KIF27: variants seen among roughly 807,000 people sequenced by gnomAD.
The protein encoded by KIF27 is kinesin-like protein KIF27.
Under a neutral mutation model 141.8 loss-of-function variants are expected in KIF27, and 84 were observed. The observed-to-expected ratio is 0.59, with a 90% CI of 0.50 to 0.71. The LOEUF is 0.71. Ranked by LOEUF, KIF27 falls within the 30% of genes least tolerant of loss-of-function variation. The pLI is 0.00. For synonymous variants in KIF27, 471 were observed against 569.5 expected, an observed-to-expected ratio of 0.83 and a Z score of 2.46; for missense variants, 1,306 against 1,628.4, an observed-to-expected ratio of 0.80 and a Z score of 3.41.
At position 83,915,396 on chromosome 9, in the gene KIF27, T is replaced by C. The variant is rs1955587749; in HGVS notation, c.196A>G (p.Lys66Glu). 1.2e-6 allele frequency: 2 copies of C among 1,613,846 alleles called. No individual in the cohort carries two copies. Among genetic ancestry groups the C allele is most frequent in the East Asian group, 4.5e-5 (2 of 44,848 alleles). The change falls in exon 2 of 18, where the codon AAG becomes GAG. Residue 66 changes from lysine to glutamate, a missense_variant. Transcript: ENST00000297814. ...TQDEVYNTCI[K>E]PLVLSLIEGY... Reference sequence around the variant, plus strand: ...TCAATGAGTGACAACACTAGGGGCTTTATACATGTGTTATAAACTTCATCT... The same window carrying C: ...TCAATGAGTGACAACACTAGGGGCTCTATACATGTGTTATAAACTTCATCT...
chr9:83,845,472 T>A (rs1947144175), intron 16 of KIF27, among the ~76,000 whole-genome samples: 1 of 152,198 alleles, frequency 6.6e-6, no homozygotes, highest in Non-Finnish European at 1.5e-5. Context: ...CTCGCCACCC[T>A]GCCTTCTCTC....
At position 83,910,662 on chromosome 9, in the gene KIF27, C is replaced by A. The variant is rs367890703; in HGVS notation, c.299-2010G>T. Among the ~76,000 whole-genome samples, 20 of 152,242 alleles carry A rather than the reference C, an allele frequency of 1.3e-4. No homozygotes were observed. The South Asian group carries it at 3.9e-3, about 30-fold the overall frequency. On this transcript the variant is annotated intron_variant, in intron 2 of 17. Coordinates refer to ENST00000297814, the MANE Select transcript of KIF27 (RefSeq NM_017576.4). The stretch of plus-strand genomic sequence containing the variant: ...TATGCCCAGGCCTAGACCCTCAGTT[C>A]AAGAATGAGGAAAGAAACATCTCTA...
At chr9:83,896,722 T>C (rs1217052043) in intron 5 of KIF27, among the ~76,000 whole-genome samples, 3 of 152,168 alleles carry the variant, frequency 2.0e-5, no homozygotes, top group Non-Finnish European at 2.9e-5. Context: ...TATACATACA[T>C]CAAAACATTA....
intron 5 of KIF27, among the ~76,000 whole-genome samples, chr9:83,896,792 G>T (rs117523179): frequency 6.6e-6 from 1 of 152,084 alleles, no homozygotes. Flanking sequence ...AATGAAAATA[G>T]CATACTAAGT....
At position 83,889,189 on chromosome 9, in the gene KIF27, T is replaced by C; in HGVS notation, c.1874A>G (p.Gln625Arg). 1 of 1,613,954 alleles carries C rather than the reference T, an allele frequency of 6.2e-7. No homozygotes were observed. The highest frequency in any genetic ancestry group is 8.5e-7 in the Non-Finnish European group (1 of 1,179,874). Residue 625 changes from glutamine to arginine, a missense_variant, in exon 7 of 18, where the codon CAG (glutamine) becomes CGG (arginine). Physicochemically the swap from Gln to Arg is conservative, Grantham distance 43. Around this residue, in one of 4 missense-constraint regions of KIF27, gnomAD observed 596 missense variants for 751.6 expected, o/e 0.79. Coordinates refer to ENST00000297814, the MANE Select transcript of KIF27 (RefSeq NM_017576.4). The part of the protein sequence containing the change: ...RIFAGFRTRS[Q>R]MLLGHIEEQD... ...TTCTTCTATGTGACCCAACAGCATC[T>C]GACTTCGTGTTCGAAATCCAGCAAA...
chr9:83,837,152 C>T lies in KIF27; in HGVS notation c.4055G>A (p.Gly1352Asp), dbSNP rs767566257. The T allele has an allele frequency of 3.1e-6, 5 of 1,614,082 alleles. No individual in the cohort carries two copies. The highest frequency in any genetic ancestry group is 4.2e-6 in the Non-Finnish European group (5 of 1,179,992). The change falls in exon 18 of 18, where the codon GGT becomes GAT. Residue 1352 changes from glycine to aspartate, a missense_variant. This residue lies in a region of KIF27 where 148 missense variants were observed against 250.9 expected (regional missense o/e 0.59). Coordinates refer to ENST00000297814, the MANE Select transcript of KIF27 (RefSeq NM_017576.4). ...TCGACACAGTTTTACAGGTGTGACACCATGAAGTCGTCCCACATTTCCCAC... is the reference window on the plus strand; with the variant it reads ...TCGACACAGTTTTACAGGTGTGACATCATGAAGTCGTCCCACATTTCCCAC... ...QVVGNVGRLHGVTPVKLCRKE... is the reference protein window; with the variant it reads ...QVVGNVGRLHDVTPVKLCRKE...
chr9:83,859,574 C>T (rs1949649440), intron 13 of KIF27: 2 of 531,434 alleles, frequency 3.8e-6, no homozygotes, highest in African/African-American at 3.8e-5. Flanking sequence ...TCTTGTTCCC[C>T]AGGCTAGAGT....
chr9:83,893,040 G>T (rs1308059782), intron 5 of KIF27, among the ~76,000 whole-genome samples: 1 of 152,178 alleles, frequency 6.6e-6, no homozygotes, highest in African/African-American at 2.4e-5. Flanking sequence ...TTTGAGAGCA[G>T]CCTGGACAAC....
In KIF27 at chr9:83,903,180, G is replaced by T; in HGVS notation, c.1338C>A (p.Ile446=). The change falls in exon 4 of 18, where the codon ATC becomes ATA. Residue 446 remains isoleucine (I), a synonymous_variant. Transcript: ENST00000297814. ...TGAGGACAGCCTTCCTGACCTCTTG[G>T]ATCATGTTAAACCACTCCTGCAGTT... The part of the protein sequence containing the change: ...QHKLQEWFNM[I]QEVRKAVLTS... 6.2e-7 allele frequency: 1 copy of T among 1,614,120 alleles called. No homozygotes were observed. The highest frequency in any genetic ancestry group is 8.5e-7 in the Non-Finnish European group (1 of 1,180,024).
intron 13 of KIF27, chr9:83,859,949 T>A (rs568467397): frequency 6.6e-6 from 1 of 152,416 alleles, no homozygotes; most frequent in African/African-American, 2.4e-5. Flanking sequence ...GCAGTATTTT[T>A]CTTTTTCCTT....
chr9:83,901,570 T>A (rs1321524201), intron 4 of KIF27, among the ~76,000 whole-genome samples: 1 of 152,192 alleles, frequency 6.6e-6, no homozygotes, highest in East Asian at 1.9e-4. Context: ...AATTCTACTC[T>A]TACTAAAATT....
chr9:83,907,889 G>T (rs1564001590), intron 3 of KIF27, among the ~76,000 whole-genome samples: 1 of 152,182 alleles, frequency 6.6e-6, no homozygotes, highest in Non-Finnish European at 1.5e-5. Flanking sequence ...AACAATGATA[G>T]GAAATCAGTA....
intron 3 of KIF27, among the ~76,000 whole-genome samples, chr9:83,905,741 G>A (rs1954453320): frequency 6.6e-6 from 1 of 152,146 alleles, no homozygotes. Flanking sequence ...AAGTGCCAAT[G>A]CCCAGGTACC....
At chr9:83,847,220 C>T (rs1305093716) in intron 16 of KIF27, among the ~76,000 whole-genome samples, 1 of 152,178 alleles carries the variant, frequency 6.6e-6, no homozygotes, top group Admixed American at 6.5e-5. Context: ...CCAGCTACGA[C>T]CATGTGACCA....
intron 3 of KIF27, among the ~76,000 whole-genome samples, chr9:83,905,772 G>A (rs941912577): frequency 4.6e-5 from 7 of 152,150 alleles, no homozygotes; most frequent in African/African-American, 7.2e-5. Flanking sequence ...AATTAAATCA[G>A]AATCCCTGTG....
intron 2 of KIF27, among the ~76,000 whole-genome samples, chr9:83,913,136 G>GT (rs1374524356): frequency 1.7e-4 from 26 of 152,240 alleles, no homozygotes; most frequent in African/African-American, 6.0e-4. Context: ...CTGCACTCCA[G>GT]CCAGGGTGAC....
In KIF27 at chr9:83,880,561, C is replaced by A. The variant is rs1951593863; in HGVS notation, c.2446-67G>T. 4 of 1,190,922 alleles carry A rather than the reference C, an allele frequency of 3.4e-6. No homozygotes were observed. The South Asian group carries it at 4.1e-5, about 12-fold the overall frequency. The allele number at this position is 1,190,922 out of a possible 1,614,324, so 73.8% of individuals were successfully genotyped here. On this transcript the variant is annotated intron_variant, in intron 10 of 17. Transcript: ENST00000297814. The stretch of plus-strand genomic sequence containing the variant: ...CTCACAATCCTCAACTAAACTTAAT[C>A]TTTTCATTTGATGGTAAAAGAAGAA...
Position 83,848,316 on chromosome 9 carries a change from CATATATCT to C in KIF27, c.3556+1775_3556+1782del, listed in dbSNP as rs1249053361. ...ATCAGATATGATATATATGATATAT[CATATATCT>C]ATATATCTATATATATCTATGTATC... On this transcript the variant is annotated intron_variant, in intron 16 of 17. Coordinates refer to ENST00000297814, the MANE Select transcript of KIF27 (RefSeq NM_017576.4). 4.1e-4 allele frequency among the ~76,000 whole-genome samples: 43 copies of C among 103,958 alleles called. 4 individuals are homozygous for C. Among genetic ancestry groups the C allele is most frequent in the African/African-American group, 1.7e-3 (40 of 23,544 alleles). The allele number at this position is 103,958 out of a possible 152,430, so 68.2% of individuals were successfully genotyped here.
chr9:83,902,937 T>G, intron 4 of KIF27, 123 bp downstream of exon 4: 1 of 556,674 alleles, frequency 1.8e-6, no homozygotes. Flanking sequence ...CAAATAAATT[T>G]AGTCCTTAAA....
Sources: allele counts gnomAD v4.1 joint callset (sites outside exome capture counted in the v4.1 genomes callset), GRCh38; gene constraint gnomAD v4.1.1; regional missense constraint gnomAD v4.1.1; transcripts MANE v1.5; gene names NCBI Gene and HGNC (gene_info 2026-07-23, HGNC 2026-07-21).